Variants in SLC16A14 observed in about 807,000 individuals in gnomAD.
SLC16A14 encodes solute carrier family 16 member 14, also known as monocarboxylate transporter 14.
A neutral mutation model predicts 35.8 loss-of-function variants in SLC16A14; 14 were observed. That is an observed-to-expected ratio of 0.39 (90% confidence interval 0.26 to 0.61). The LOEUF is 0.61. SLC16A14 is among the 20% of genes least tolerant of loss of function. The pLI is 0.51. For missense variants in SLC16A14, 533 were observed against 655.0 expected (o/e 0.81, Z 2.03); for synonymous variants, 248 against 258.9 (o/e 0.96, Z 0.40).
At chr2:230,066,851 C>T (rs4973256) in intron 1 of SLC16A14, 246,973 of 260,892 alleles carry the variant, frequency 0.95, 118,584 homozygotes, top group Non-Finnish European at 1. Flanking sequence ...GGTCTCGAAA[C>T]TCTGACCTCA....
intron 4 of SLC16A14, among the ~76,000 whole-genome samples, chr2:230,040,574 A>G (rs2106242276): frequency 6.6e-6 from 1 of 152,290 alleles, no homozygotes. Flanking sequence ...TTCCTCTAAA[A>G]ATATAAGCAT....
At chr2:230,057,153 C>T (rs2077712247) in intron 2 of SLC16A14, among the ~76,000 whole-genome samples, 1 of 151,832 alleles carries the variant, frequency 6.6e-6, no homozygotes, top group Non-Finnish European at 1.5e-5. Context: ...AACTGAAAAA[C>T]GTCATAGTGG....
At chr2:230,054,087 G>GT (rs1553820337) in intron 2 of SLC16A14, among the ~76,000 whole-genome samples, 40 of 84,392 alleles carry the variant, frequency 4.7e-4, no homozygotes, top group Admixed American at 3.8e-3. Flanking sequence ...AGCCTGAGGT[G>GT]GGGGGGGAAG....
chr2:230,061,339 T>C (rs938137025), intron 1 of SLC16A14, among the ~76,000 whole-genome samples: 9 of 152,256 alleles, frequency 5.9e-5, no homozygotes, highest in African/African-American at 1.9e-4. Context: ...GTAAACATTG[T>C]ATTCTACATG....
In SLC16A14 at chr2:230,046,090, A is replaced by G. The variant is rs1264954921; in HGVS notation, c.1036T>C (p.Leu346=). 6.2e-7 allele frequency: 1 copy of G among 1,614,154 alleles called. No individual in the cohort carries two copies. The highest frequency in any genetic ancestry group is 2.2e-5 in the East Asian group (1 of 44,886). The part of the protein sequence containing the change: ...HLPEIVNLYN[L]SEQNDVFPLT... ...GGGAAAACGTCGTTTTGCTCCGATAAGTTATACAAATTGACGATTTCTGGG... is the reference window on the plus strand; with the variant it reads ...GGGAAAACGTCGTTTTGCTCCGATAGGTTATACAAATTGACGATTTCTGGG... Residue 346 remains leucine (L), a synonymous_variant, in exon 4 of 5, where the codon TTA becomes CTA. Coordinates refer to ENST00000295190, the MANE Select transcript of SLC16A14 (RefSeq NM_152527.5). This position sits in a 1 kb window ranked among gnomAD's most constrained non-coding sequence, Gnocchi z 5.0.
intron 4 of SLC16A14, among the ~76,000 whole-genome samples, chr2:230,043,166 TGCTGCATCTGCATTTCTGTGCACAG>T (rs1166846704): frequency 6.6e-6 from 1 of 152,228 alleles, no homozygotes; most frequent in Non-Finnish European, 1.5e-5. Context: ...CACCTAAAAA[TGCTGCATCTGCATTTCTGTGCACAG>T]GCAGACAACA....
chr2:230,053,606 C>G (rs952860009), intron 2 of SLC16A14, among the ~76,000 whole-genome samples: 1 of 151,994 alleles, frequency 6.6e-6, no homozygotes, highest in Non-Finnish European at 1.5e-5. Context: ...GACGGTGAAA[C>G]CCCGTTTCTA....
intron 1 of SLC16A14, among the ~76,000 whole-genome samples, chr2:230,064,838 C>T (rs563716717): frequency 3.9e-5 from 6 of 152,246 alleles, no homozygotes; most frequent in Non-Finnish European, 8.8e-5. Flanking sequence ...TGGAGAAACC[C>T]TGTCTCTACT....
intron 1 of SLC16A14, 73 bp from the exon 2 acceptor site, chr2:230,059,439 T>G: frequency 2.5e-5 from 29 of 1,173,158 alleles, no homozygotes; most frequent in Non-Finnish European, 3.2e-5. Context: ...TGTGCAGCTC[T>G]ACCTCCCCAT....
At chr2:230,041,948 T>C (rs1044665212) in intron 4 of SLC16A14, among the ~76,000 whole-genome samples, 1 of 152,228 alleles carries the variant, frequency 6.6e-6, no homozygotes, top group Admixed American at 6.5e-5. Flanking sequence ...ATTGCAATCT[T>C]GGCTTCTTGG....
chr2:230,043,698 C>T (rs982528387), intron 4 of SLC16A14, among the ~76,000 whole-genome samples: 5 of 152,364 alleles, frequency 3.3e-5, no homozygotes, highest in Admixed American at 1.3e-4. Flanking sequence ...CAGAGAGCAC[C>T]TTTGTGTTGG....
intron 4 of SLC16A14, 47 bp downstream of exon 4, chr2:230,045,698 A>C: frequency 6.2e-7 from 1 of 1,607,046 alleles, no homozygotes; most frequent in Non-Finnish European, 8.5e-7. Context: ...AACATAACGC[A>C]CCATATGTAC....
chr2:230,036,663 T>A lies in SLC16A14; in HGVS notation c.*717A>T, dbSNP rs542673663. 1.1e-4 allele frequency: 16 copies of A among 152,360 alleles called. No homozygotes were observed. Among genetic ancestry groups the A allele is most frequent in the African/African-American group, 3.4e-4 (14 of 41,584 alleles). The allele number at this position is 152,360 out of a possible 1,614,324, so 9.4% of individuals were successfully genotyped here. A position where few individuals can be genotyped will look rare whatever the true frequency, so the allele number is the denominator to read the frequency against. ...TTGTGCGTACAAATACGGCTTCTGCTAAGGAAATCATTACTGTTATTTCTT... is the reference window on the plus strand; with the variant it reads ...TTGTGCGTACAAATACGGCTTCTGCAAAGGAAATCATTACTGTTATTTCTT... On this transcript the variant is annotated 3_prime_UTR_variant, in exon 5 of 5. Coordinates refer to ENST00000295190, the MANE Select transcript of SLC16A14 (RefSeq NM_152527.5).
intron 1 of SLC16A14, chr2:230,066,887 A>G (rs914069402): frequency 1.3e-5 from 3 of 237,066 alleles, no homozygotes; most frequent in South Asian, 1.2e-4. Context: ...TCGGCCTCCC[A>G]AAATGCTGGG....
chr2:230,060,689 G>T (rs75832718), intron 1 of SLC16A14, among the ~76,000 whole-genome samples: 70,176 of 150,774 alleles, frequency 0.47, 16,850 homozygotes, highest in African/African-American at 0.55. Context: ...TTTTTTTTGG[G>T]GGGAGGGGAT....
chr2:230,049,069 T>TATC (rs1418530204), intron 3 of SLC16A14, among the ~76,000 whole-genome samples: 1 of 148,436 alleles, frequency 6.7e-6, no homozygotes. Flanking sequence ...TTATTATTAT[T>TATC]ATTATTATTA....
chr2:230,065,333 T>C (rs1577403565), intron 1 of SLC16A14, among the ~76,000 whole-genome samples: 1 of 152,290 alleles, frequency 6.6e-6, no homozygotes, highest in Middle Eastern at 3.4e-3. Flanking sequence ...CTCGGCTCAT[T>C]GCAACCTCTA....
chr2:230,050,041 T>G, intron 2 of SLC16A14, 137 bp from the exon 3 acceptor site: 2 of 969,488 alleles, frequency 2.1e-6, no homozygotes, highest in South Asian at 3.8e-5. Flanking sequence ...TTGCTTTATA[T>G]GCCAAACATT....
rs1055032477 is a variant in SLC16A14 at position 230,038,941 on chromosome 2, T to C, written c.1382-1410A>G. Among the ~76,000 whole-genome samples, 9 of 152,046 alleles carry C rather than the reference T, an allele frequency of 5.9e-5. No homozygotes were observed. The highest frequency in any genetic ancestry group is 2.1e-4 in the South Asian group (1 of 4,834). ...AATGAAATAAAAAAATAAGATTTTA[T>C]GATCAAACATAGTATTCCGTGGCCA... is the stretch of plus-strand genomic sequence containing the variant. On this transcript the variant is annotated intron_variant, in intron 4 of 4. Transcript: ENST00000295190. This position sits in a 1 kb window ranked among gnomAD's most constrained non-coding sequence, Gnocchi z 4.4.
Sources: gnomAD v4.1 joint callset for allele counts (sites outside exome capture counted in the v4.1 genomes callset) on GRCh38, gnomAD v4.1.1 for gene constraint, Gnocchi (gnomAD v3.1) non-coding constraint, MANE v1.5 for transcripts, NCBI Gene and HGNC (gene_info 2026-07-23, HGNC 2026-07-21) for gene names.